The following ADGRA3 variants were observed in gnomAD, a reference collection of about 807,000 sequenced individuals.
The protein encoded by ADGRA3 is adhesion G protein-coupled receptor A3.
A neutral mutation model predicts 119.8 loss-of-function variants in ADGRA3; 56 were observed. The observed-to-expected ratio is 0.47, with a 90% CI of 0.38 to 0.58. The LOEUF is 0.58. ADGRA3 is among the 20% of genes least tolerant of loss of function. The pLI is 0.00. For missense variants in ADGRA3, 1,516 were observed against 1,649.0 expected, an observed-to-expected ratio of 0.92 and a Z score of 1.40; for synonymous variants, 607 against 623.8, an observed-to-expected ratio of 0.97 and a Z score of 0.40.
At chr4:22,455,754 T>G (rs547594824) in intron 3 of ADGRA3, 367 of 1,187,394 alleles carry the variant, frequency 3.1e-4, no homozygotes, top group Non-Finnish European at 4.0e-4. Context: ...CTGCACTGGT[T>G]TAAAAGTAAA....
At chr4:22,455,817 T>C in intron 3 of ADGRA3, 3 of 1,288,648 alleles carry the variant, frequency 2.3e-6, no homozygotes, top group Non-Finnish European at 3.0e-6. Flanking sequence ...ACACCTGGCA[T>C]GGCATGACTC....
chr4:22,420,847 A>G (rs367917444), intron 12 of ADGRA3, 39 bp downstream of exon 12: 21 of 1,572,240 alleles, frequency 1.3e-5, no homozygotes, highest in Non-Finnish European at 1.6e-5. Context: ...TTCTAATTTA[A>G]CTGTAAATAG....
intron 12 of ADGRA3, among the ~76,000 whole-genome samples, chr4:22,415,058 T>C (rs752866234): frequency 1.3e-5 from 2 of 152,090 alleles, no homozygotes; most frequent in Non-Finnish European, 2.9e-5. Flanking sequence ...TCTGCACACA[T>C]TAGTCATAAT....
At chr4:22,476,180 C>G (rs1718035848) in intron 1 of ADGRA3, among the ~76,000 whole-genome samples, 1 of 151,980 alleles carries the variant, frequency 6.6e-6, no homozygotes, top group African/African-American at 2.4e-5. Flanking sequence ...TTAGCACAGG[C>G]AAAACAGAAT....
intron 1 of ADGRA3, among the ~76,000 whole-genome samples, chr4:22,485,618 C>A (rs995809851): frequency 2.0e-5 from 3 of 152,096 alleles, no homozygotes; most frequent in African/African-American, 7.2e-5. Flanking sequence ...AAATGTGGGG[C>A]TAGAACGCTC....
chr4:22,412,800 T>C (rs1276781242), intron 14 of ADGRA3, among the ~76,000 whole-genome samples: 3 of 152,148 alleles, frequency 2.0e-5, no homozygotes, highest in East Asian at 1.9e-4. Flanking sequence ...CAGCGCTAGA[T>C]TGCAAAGTAG....
chr4:22,432,913 A>G (rs1716244957), intron 10 of ADGRA3, among the ~76,000 whole-genome samples: 2 of 152,194 alleles, frequency 1.3e-5, no homozygotes, highest in South Asian at 2.1e-4. Flanking sequence ...TACAAAAATC[A>G]ATTTAATTAA....
Position 22,413,277 on chromosome 4 carries a change from C to G in ADGRA3, c.2137G>C (p.Gly713Arg). Residue 713 changes from glycine (G) to arginine (R), a missense_variant, in exon 14 of 19, where the codon GGA becomes CGA. By Grantham distance (125) the Gly-to-Arg change is moderately radical (BLOSUM62 -2). Transcript: ENST00000334304. ...TGGCACCCATCTGACTTCCAGCCTC[C>G]TTGTCCGTTCAGCAAATCGAAATCC... Reference protein sequence around the residue: ...RWDFDLLNGQGGWKSDGCHIL... With the variant: ...RWDFDLLNGQRGWKSDGCHIL... 2 of 1,614,076 alleles carry G rather than the reference C, an allele frequency of 1.2e-6. No homozygotes were observed. Among genetic ancestry groups the G allele is most frequent in the Non-Finnish European group, 8.5e-7 (1 of 1,179,972 alleles).
At chr4:22,423,102 A>G (rs1448498140) in intron 11 of ADGRA3, among the ~76,000 whole-genome samples, 1 of 152,054 alleles carries the variant, frequency 6.6e-6, no homozygotes, top group Admixed American at 6.6e-5. Context: ...AGGCTGAGGC[A>G]TGATACTGCT....
At chr4:22,456,736 T>C (rs1333666493) in intron 3 of ADGRA3, among the ~76,000 whole-genome samples, 1 of 152,110 alleles carries the variant, frequency 6.6e-6, no homozygotes, top group Non-Finnish European at 1.5e-5. Context: ...TCCCCTCTCA[T>C]ACATCCTACT....
chr4:22,508,087 G>A (rs143423659), intron 1 of ADGRA3, among the ~76,000 whole-genome samples: 10 of 152,202 alleles, frequency 6.6e-5, no homozygotes, highest in South Asian at 6.2e-4. Context: ...ACCCATACTC[G>A]AGGCGCTGTG....
intron 1 of ADGRA3, among the ~76,000 whole-genome samples, chr4:22,487,803 AAAT>A (rs2109143649): frequency 6.6e-6 from 1 of 152,338 alleles, no homozygotes; most frequent in African/African-American, 2.4e-5. Flanking sequence ...TTGTGTTGTT[AAAT>A]ATTTCTCCAA....
At chr4:22,441,921 A>G (rs1716630366) in intron 7 of ADGRA3, among the ~76,000 whole-genome samples, 1 of 152,168 alleles carries the variant, frequency 6.6e-6, no homozygotes, top group South Asian at 2.1e-4. Flanking sequence ...CAGAACCTTT[A>G]GTTTTTCAGT....
chr4:22,395,056 A>G (rs1714294337), intron 16 of ADGRA3, among the ~76,000 whole-genome samples: 1 of 152,220 alleles, frequency 6.6e-6, no homozygotes, highest in East Asian at 1.9e-4. Context: ...CAAATAAATC[A>G]GAGATGTACA....
chr4:22,426,907 A>T (rs889749132), intron 10 of ADGRA3, among the ~76,000 whole-genome samples: 1 of 152,180 alleles, frequency 6.6e-6, no homozygotes, highest in Non-Finnish European at 1.5e-5. Context: ...GGTGAATGTC[A>T]TTCTACTAGA....
Position 22,454,914 on chromosome 4 carries a change from C to A in ADGRA3, c.425G>T (p.Gly142Val). The A allele has an allele frequency of 6.2e-7, 1 of 1,613,288 alleles. No individual in the cohort carries two copies. The highest frequency in any genetic ancestry group is 8.5e-7 in the Non-Finnish European group (1 of 1,179,302). Residue 142 changes from glycine (G) to valine (V), a missense_variant, in exon 4 of 19, where the codon GGA becomes GTA. Transcript: ENST00000334304. Reference sequence around the variant, plus strand: ...TCGAAATATGTCTGCATTCAGACATCCTATTCGATTGTTTGTCAGATCCCT... The same window carrying A: ...TCGAAATATGTCTGCATTCAGACATACTATTCGATTGTTTGTCAGATCCCT... ...KRLDLTNNRI[G>V]CLNADIFRGL...
intron 2 of ADGRA3, chr4:22,473,237 G>A (rs1372301700): frequency 6.6e-6 from 1 of 152,232 alleles, no homozygotes; most frequent in Non-Finnish European, 1.5e-5. Context: ...ACAGCCTGCG[G>A]AATCGTAAAC....
At chr4:22,407,225 C>T (rs1714979692) in intron 14 of ADGRA3, among the ~76,000 whole-genome samples, 1 of 152,156 alleles carries the variant, frequency 6.6e-6, no homozygotes, top group Non-Finnish European at 1.5e-5. Context: ...GAGCCGAGAT[C>T]AAGCCACTGC....
intron 16 of ADGRA3, among the ~76,000 whole-genome samples, chr4:22,395,395 A>G (rs1044218467): frequency 1.3e-5 from 2 of 152,240 alleles, no homozygotes; most frequent in African/African-American, 2.4e-5. Flanking sequence ...GTAAACAATT[A>G]AAATATTAAC....
Sources: allele counts gnomAD v4.1 joint callset (sites outside exome capture counted in the v4.1 genomes callset), GRCh38; gene constraint gnomAD v4.1.1; transcripts MANE v1.5; gene names NCBI Gene and HGNC (gene_info 2026-07-23, HGNC 2026-07-21).